SOX6: variants seen among roughly 807,000 people sequenced by gnomAD.
The protein encoded by SOX6 is SRY-box transcription factor 6, also known as transcription factor SOX-6.
Under a neutral mutation model 97.8 loss-of-function variants are expected in SOX6, and 11 were observed. The observed-to-expected ratio is 0.11, with a 90% CI of 0.07 to 0.19. SOX6 has a LOEUF of 0.19. SOX6 is among the 10% of genes least tolerant of loss of function. The probability of loss-of-function intolerance (pLI) is 1.00; values close to 1 mark genes in which losing one functional copy is unlikely to be tolerated. For missense variants in SOX6, 810 were observed against 1,039.5 expected, an observed-to-expected ratio of 0.78 and a Z score of 3.04; for synonymous variants, 360 against 371.4, an observed-to-expected ratio of 0.97 and a Z score of 0.35.
intron 3 of SOX6, chr11:16,317,564 T>C (rs1855788622): frequency 1.3e-5 from 2 of 155,556 alleles, no homozygotes; most frequent in African/African-American, 4.8e-5. Context: ...CAATATATTT[T>C]AGAAAGACTT....
intron 1 of SOX6, among the ~76,000 whole-genome samples, chr11:16,411,521 A>T (rs896319086): frequency 7.9e-5 from 12 of 152,008 alleles, no homozygotes; most frequent in African/African-American, 2.4e-4. Flanking sequence ...TTCATGGATT[A>T]AAAAAAACAG....
intron 4 of SOX6, among the ~76,000 whole-genome samples, chr11:16,225,942 T>G (rs1197441744): frequency 1.3e-5 from 2 of 152,212 alleles, no homozygotes; most frequent in Non-Finnish European, 2.9e-5. Flanking sequence ...CTAATTTTAC[T>G]TCTTTTAGTA....
intron 12 of SOX6, among the ~76,000 whole-genome samples, chr11:16,046,292 T>C (rs1177099764): frequency 6.6e-6 from 1 of 152,128 alleles, no homozygotes; most frequent in Non-Finnish European, 1.5e-5. Flanking sequence ...AATAGGCAGG[T>C]AGGTTGGGAG....
At chr11:16,324,812 T>C (rs537304409) in intron 2 of SOX6, among the ~76,000 whole-genome samples, 45 of 152,266 alleles carry the variant, frequency 3.0e-4, no homozygotes, top group Admixed American at 1.8e-3. Flanking sequence ...GAGGACATTA[T>C]GTTAAGTGAA....
At chr11:16,615,330 C>T (rs767961351) in intron 3 of SOX6, among the ~76,000 whole-genome samples, 45 of 152,284 alleles carry the variant, frequency 3.0e-4, no homozygotes, top group Admixed American at 9.2e-4. Context: ...TAACTCAGAG[C>T]GCTCTTGGTT....
At chr11:16,396,495 T>C (rs1336392236) in intron 1 of SOX6, among the ~76,000 whole-genome samples, 1 of 151,688 alleles carries the variant, frequency 6.6e-6, no homozygotes, top group East Asian at 1.9e-4. Flanking sequence ...ATTTAAGCAT[T>C]AAATGACAAA....
chr11:16,187,900 A>G (rs1851526399), intron 4 of SOX6, among the ~76,000 whole-genome samples: 1 of 152,146 alleles, frequency 6.6e-6, no homozygotes, highest in East Asian at 1.9e-4. Context: ...CATTATGAAG[A>G]AATGATCTGT....
chr11:16,253,699 C>T (rs764322230), intron 3 of SOX6, among the ~76,000 whole-genome samples: 25 of 151,604 alleles, frequency 1.6e-4, no homozygotes, highest in Middle Eastern at 3.4e-3. Flanking sequence ...AAAAAAAAAC[C>T]CAGAATATCC....
intron 13 of SOX6, among the ~76,000 whole-genome samples, chr11:16,008,259 T>A (rs1347935114): frequency 6.6e-6 from 1 of 152,120 alleles, no homozygotes; most frequent in Non-Finnish European, 1.5e-5. Flanking sequence ...ATTTTTTATC[T>A]ACAGTTGATT....
intron 2 of SOX6, among the ~76,000 whole-genome samples, chr11:16,717,164 T>C (rs1309391836): frequency 6.6e-6 from 1 of 152,190 alleles, no homozygotes; most frequent in Non-Finnish European, 1.5e-5. Context: ...ACTGAGTTTT[T>C]TAAATGTGGT....
At chr11:16,374,473 T>C (rs1331186642) in intron 1 of SOX6, among the ~76,000 whole-genome samples, 5 of 152,090 alleles carry the variant, frequency 3.3e-5, no homozygotes, top group Non-Finnish European at 5.9e-5. Context: ...AAAAATTAAC[T>C]TCTACATTTA....
chr11:16,180,584 T>A (rs970810954), intron 6 of SOX6, among the ~76,000 whole-genome samples: 27 of 151,842 alleles, frequency 1.8e-4, no homozygotes, highest in African/African-American at 6.0e-4. Context: ...CACAGAGGGA[T>A]CTGAATTTAC....
chr11:15,998,556 T>C (rs145919674), intron 13 of SOX6, among the ~76,000 whole-genome samples: 1 of 152,032 alleles, frequency 6.6e-6, no homozygotes, highest in Admixed American at 6.6e-5. Flanking sequence ...AGTTTTTTCA[T>C]ATAAGGTGAC....
At chr11:16,032,242 A>T (rs1212161764) in intron 12 of SOX6, among the ~76,000 whole-genome samples, 83 of 152,270 alleles carry the variant, frequency 5.5e-4, no homozygotes, top group Non-Finnish European at 1.3e-4. Context: ...TATAGAATTT[A>T]TATAGAGCAG....
intron 3 of SOX6, among the ~76,000 whole-genome samples, chr11:16,302,770 A>G (rs560943343): frequency 1.3e-5 from 2 of 151,692 alleles, no homozygotes; most frequent in Non-Finnish European, 2.9e-5. Flanking sequence ...GGGTCCTGCC[A>G]TTTTGGCCAG....
intron 3 of SOX6, among the ~76,000 whole-genome samples, chr11:16,705,236 C>T (rs898588164): frequency 4.6e-5 from 7 of 150,590 alleles, no homozygotes; most frequent in South Asian, 2.1e-4. Context: ...CCTGCCTGGG[C>T]GACAGAGCAA....
intron 7 of SOX6, among the ~76,000 whole-genome samples, chr11:16,107,416 TACA>T (rs1849120812): frequency 7.1e-6 from 1 of 140,768 alleles, no homozygotes; most frequent in African/African-American, 2.9e-5. Context: ...TATATATATA[TACA>T]TATATATACA....
At chr11:16,145,990 G>A (rs1268084891) in intron 6 of SOX6, among the ~76,000 whole-genome samples, 2 of 152,022 alleles carry the variant, frequency 1.3e-5, no homozygotes, top group African/African-American at 4.8e-5. Flanking sequence ...TCACAGAATT[G>A]GAAAAAACTA....
chr11:16,731,890 C>T (rs1477940898), intron 2 of SOX6, among the ~76,000 whole-genome samples: 1 of 152,192 alleles, frequency 6.6e-6, no homozygotes, highest in East Asian at 1.9e-4. Context: ...GCAACTTCAG[C>T]AAAGTCTCAG....
Sources: allele counts gnomAD v4.1 joint callset (sites outside exome capture counted in the v4.1 genomes callset), GRCh38; gene constraint gnomAD v4.1.1; transcripts MANE v1.5; gene names NCBI Gene and HGNC (gene_info 2026-07-23, HGNC 2026-07-21).